ESRP2: variants seen among roughly 807,000 people sequenced by gnomAD.
The protein encoded by ESRP2 is RNA binding motif protein 35A.
ESRP2 carries 48 observed loss-of-function variants against 78.6 expected under a neutral mutation model. The ratio of observed to expected loss-of-function variants is 0.61; its 90% confidence interval spans 0.48 to 0.78. The LOEUF (loss-of-function observed/expected upper bound fraction) is 0.78. ESRP2 is among the 30% of genes least tolerant of loss of function. The probability of loss-of-function intolerance (pLI) is 0.00; values close to 1 mark genes in which losing one functional copy is unlikely to be tolerated. For missense variants in ESRP2, 863 were observed against 965.9 expected, an observed-to-expected ratio of 0.89 and a Z score of 1.41; for synonymous variants, 383 against 406.7, an observed-to-expected ratio of 0.94 and a Z score of 0.70.
rs1321561816 is a variant in ESRP2, at chr16:68,232,519, T to G, written c.822-16A>C. 1 of 1,613,972 alleles carries G rather than the reference T, an allele frequency of 6.2e-7. No individual in the cohort carries two copies. The highest frequency in any genetic ancestry group is 8.5e-7 in the Non-Finnish European group (1 of 1,179,976). On this transcript the variant is annotated splice_polypyrimidine_tract_variant and intron_variant, in intron 7 of 14. Transcript: ENST00000473183. The surrounding 1 kb of genome is among the most constrained non-coding windows in gnomAD (Gnocchi z 5.2). ...TACACCACCCCTGTGGAGCCAGTGC[T>G]GTTAGTGCCTCCTGGGTAGGCCTGT...
In ESRP2 at chr16:68,232,043, C is replaced by T. The variant is rs201908706; in HGVS notation, c.1058G>A (p.Arg353Gln). 4.0e-4 allele frequency: 651 copies of T among 1,614,016 alleles called. No individual in the cohort carries two copies. Among genetic ancestry groups the T allele is most frequent in the Non-Finnish European group, 5.2e-4 (610 of 1,179,972 alleles). ...SREDQVILRL[R>Q]GLPFSAGPTD... ...TGGCCCAGCCGAGAAGGGCAGTCCC[C>T]GCAGCCGCAGGATCACTTGGTCTTC... The change falls in exon 10 of 15, where the codon CGG becomes CAG. Residue 353 changes from arginine to glutamine, a missense_variant. Physicochemically the swap from Arg to Gln is conservative, Grantham distance 43. Transcript: ENST00000473183. This position sits in a 1 kb window ranked among gnomAD's most constrained non-coding sequence, Gnocchi z 5.2.
chr16:68,233,447 T>C (rs759468437), intron 4 of ESRP2, 22 bp from the exon 5 acceptor site: 1 of 1,557,422 alleles, frequency 6.4e-7, no homozygotes, highest in South Asian at 1.1e-5. Flanking sequence ...GAAGTGACAG[T>C]GAAGACATCT....
chr16:68,234,357 T>G (rs914759751), intron 2 of ESRP2: 4 of 498,790 alleles, frequency 8.0e-6, no homozygotes, highest in Non-Finnish European at 1.4e-5. Flanking sequence ...ACCGAAGCCC[T>G]CAACACACAC....
chr16:68,230,789 C>A, intron 13 of ESRP2, 52 bp downstream of exon 13: 1 of 1,606,672 alleles, frequency 6.2e-7, no homozygotes, highest in South Asian at 1.1e-5. Flanking sequence ...GTGACCTTTC[C>A]CCAGATTGGG....
intron 4 of ESRP2, 154 bp downstream of exon 4, chr16:68,233,614 A>G (rs1161894331): frequency 1.4e-6 from 1 of 732,172 alleles, no homozygotes; most frequent in African/African-American, 1.7e-5. Context: ...TTCCAAACTC[A>G]TCCTAGCACA....
At chr16:68,233,213 AAG>A (rs941599473) in intron 5 of ESRP2, 112 bp downstream of exon 5, 86 of 741,758 alleles carry the variant, frequency 1.2e-4, no homozygotes, top group Admixed American at 3.1e-4. Context: ...AAAAAAAAAA[AAG>A]AAATGACAAA....
In ESRP2 at chr16:68,232,952, A is replaced by G; in HGVS notation, c.656-137T>C. The G allele has an allele frequency of 7.9e-7, 1 of 1,260,860 alleles. No homozygotes were observed. Among genetic ancestry groups the G allele is most frequent in the South Asian group, 1.3e-5 (1 of 76,706 alleles). The allele number at this position is 1,260,860 out of a possible 1,614,324, so 78.1% of individuals were successfully genotyped here. On this transcript the variant is annotated intron_variant, in intron 5 of 14. Coordinates refer to ENST00000473183, the MANE Select transcript of ESRP2 (RefSeq NM_024939.3). The surrounding 1 kb of genome is among the most constrained non-coding windows in gnomAD (Gnocchi z 5.2). ...AGTGGCTCACGCCTATAATCCCAGC[A>G]CTTTGGGAGGCCAAGGTGGGTGGAT... is the stretch of plus-strand genomic sequence containing the variant.
chr16:68,233,342 G>A lies in ESRP2; in HGVS notation c.640C>T (p.Leu214Phe), dbSNP rs2042173211. The A allele has an allele frequency of 6.2e-7, 1 of 1,613,748 alleles. No individual in the cohort carries two copies. ...GAAACCTTACTGCTGGGCTCTTTGA[G>A]TAGATGGAGGATAACAGCTACCATT... The part of the protein sequence containing the change: ...KTMVAVILHL[L>F]KEPSSQLFSK... The change falls in exon 5 of 15, where the codon CTC becomes TTC. Residue 214 changes from leucine to phenylalanine, a missense_variant. Leu to Phe is a conservative substitution (Grantham distance 22). Transcript: ENST00000473183.
Position 68,230,178 on chromosome 16 carries a change from C to A in ESRP2, c.*48G>T. 1.9e-6 allele frequency: 3 copies of A among 1,561,310 alleles called. No individual in the cohort carries two copies. The highest frequency in any genetic ancestry group is 2.6e-6 in the Non-Finnish European group (3 of 1,132,264). ...GCTGGTCTTCTGGACTCAGGAGAGA[C>A]ATGTTCGCCGAGGATATCAGCTGGC... On this transcript the variant is annotated 3_prime_UTR_variant, in exon 15 of 15. Transcript: ENST00000473183.
In ESRP2 at chr16:68,230,837, G is replaced by A. The variant is rs777506617; in HGVS notation, c.1898+4C>T. 20 of 1,614,002 alleles carry A rather than the reference G, an allele frequency of 1.2e-5. No homozygotes were observed. The highest frequency in any genetic ancestry group is 1.6e-5 in the Non-Finnish European group (19 of 1,179,938). On this transcript the variant is annotated splice_donor_region_variant and intron_variant, in intron 13 of 14. Coordinates refer to ENST00000473183, the MANE Select transcript of ESRP2 (RefSeq NM_024939.3). The stretch of plus-strand genomic sequence containing the variant: ...ACTGTGATATTCTCTTAGCTGCAGG[G>A]TACCTTGGGTAGTAGGCTGTGTAGT...
intron 4 of ESRP2, 140 bp from the exon 5 acceptor site, chr16:68,233,565 C>A: frequency 1.3e-6 from 1 of 759,988 alleles, no homozygotes; most frequent in East Asian, 2.6e-5. Context: ...TGTGCACATA[C>A]AGATTCCCAG....
intron 2 of ESRP2, 42 bp from the exon 3 acceptor site, chr16:68,234,149 A>C: frequency 6.8e-7 from 1 of 1,477,738 alleles, no homozygotes; most frequent in African/African-American, 1.4e-5. Context: ...ACAGATTCAC[A>C]GCTGGGCAGG....
chr16:68,232,100 G>A lies in ESRP2; in HGVS notation c.1001C>T (p.Thr334Ile), dbSNP rs769802129. The A allele has an allele frequency of 3.1e-6, 5 of 1,612,486 alleles. No individual in the cohort carries two copies. The highest frequency in any genetic ancestry group is 4.2e-6 in the Non-Finnish European group (5 of 1,178,962). Residue 334 changes from threonine (T) to isoleucine (I), a missense_variant, in exon 10 of 15, where the codon ACA becomes ATA. Physicochemically the swap from Thr to Ile is moderately conservative, Grantham distance 89 (BLOSUM62 -1). Transcript: ENST00000473183. This position sits in a 1 kb window ranked among gnomAD's most constrained non-coding sequence, Gnocchi z 5.2. The stretch of plus-strand genomic sequence containing the variant: ...CAAGAAACGAGCCACCTCTAGTGAT[G>A]TGCCTGTGTATGAGAGTCGCCTGCT... ...GEEFVKIAGG[T>I]SLEVARFLSR... is the part of the protein sequence containing the mutation.
At chr16:68,233,559 C>T in intron 4 of ESRP2, 134 bp from the exon 5 acceptor site, 1 of 779,376 alleles carries the variant, frequency 1.3e-6, no homozygotes, top group Non-Finnish European at 2.2e-6. Flanking sequence ...TTCATGTGTG[C>T]ACATACAGAT....
chr16:68,230,960 A>G lies in ESRP2; in HGVS notation c.1779T>C (p.Ala593=). The part of the protein sequence containing the change: ...TPTLIPTETA[A]LYPSSALLPA... ...GGAGCAGTGCTGAAGAGGGGTATAGAGCTGCCGTCTCCGTGGGAATGAGCG... is the reference window on the plus strand; with the variant it reads ...GGAGCAGTGCTGAAGAGGGGTATAGGGCTGCCGTCTCCGTGGGAATGAGCG... The change falls in exon 13 of 15, where the codon GCT becomes GCC. Residue 593 remains alanine (A), a synonymous_variant. Transcript: ENST00000473183. The G allele has an allele frequency of 6.2e-7, 1 of 1,610,204 alleles. No homozygotes were observed. The highest frequency in any genetic ancestry group is 8.5e-7 in the Non-Finnish European group (1 of 1,178,250).
Position 68,230,453 on chromosome 16 carries a change from C to T in ESRP2, c.2000G>A (p.Arg667His), listed in dbSNP as rs150902510. The change falls in exon 14 of 15, where the codon CGC becomes CAC. Residue 667 changes from arginine to histidine, a missense_variant. Physicochemically the swap from Arg to His is conservative, Grantham distance 29. Transcript: ENST00000473183. ...SVLSQSGALVRMQGVPYTAGM... is the reference protein window; with the variant it reads ...SVLSQSGALVHMQGVPYTAGM... ...AGCCGTGTATGGGACACCCTGCATG[C>T]GGACCAAGGCTCCTGACTGGGACAA... is the stretch of plus-strand genomic sequence containing the variant. 9.0e-5 allele frequency: 145 copies of T among 1,612,548 alleles called. No individual in the cohort carries two copies. The highest frequency in any genetic ancestry group is 7.3e-5 in the Non-Finnish European group (86 of 1,179,190).
chr16:68,231,185 C>T lies in ESRP2; in HGVS notation c.1704G>A (p.Lys568=), dbSNP rs774032420. ...AGCCCCTAGGGCACTCACAGGGCAG[C>T]TTGCAGGGTGGAGGGGACATGCCAC... is the stretch of plus-strand genomic sequence containing the variant. ...GRSGMSPPPC[K]LPCLSPPTYT... Residue 568 remains lysine (K), a synonymous_variant, in exon 12 of 15, where the codon AAG becomes AAA. Coordinates refer to ENST00000473183, the MANE Select transcript of ESRP2 (RefSeq NM_024939.3). This position sits in a 1 kb window ranked among gnomAD's most constrained non-coding sequence, Gnocchi z 6.0. The T allele has an allele frequency of 6.2e-7, 1 of 1,613,118 alleles. No individual in the cohort carries two copies. Among genetic ancestry groups the T allele is most frequent in the Admixed American group, 1.7e-5 (1 of 60,024 alleles).
Position 68,229,116 on chromosome 16 carries a change from A to G in ESRP2, c.*1110T>C, listed in dbSNP as rs1771265637. 6.6e-6 allele frequency: 1 copy of G among 152,222 alleles called. No individual in the cohort carries two copies. The highest frequency in any genetic ancestry group is 2.1e-4 in the South Asian group (1 of 4,834). 9.4% of individuals were successfully genotyped at this position (152,222 alleles called of 1,614,324 possible). On this transcript the variant is annotated 3_prime_UTR_variant, in exon 15 of 15. Transcript: ENST00000473183. ...CTCAGTTATGTTTACAGCACTTGGA[A>G]TTGTGTGTTCTTGTACATTTTGTAT...
Position 68,229,385 on chromosome 16 carries a change from G to T in ESRP2, c.*841C>A, listed in dbSNP as rs1473479254. The T allele has an allele frequency of 6.6e-6, 1 of 152,652 alleles. No homozygotes were observed. Among genetic ancestry groups the T allele is most frequent in the Non-Finnish European group, 1.5e-5 (1 of 68,042 alleles). 9.5% of individuals were successfully genotyped at this position (152,652 alleles called of 1,614,324 possible). A position where few individuals can be genotyped will look rare whatever the true frequency, so the allele number is the denominator to read the frequency against. On this transcript the variant is annotated 3_prime_UTR_variant, in exon 15 of 15. Coordinates refer to ENST00000473183, the MANE Select transcript of ESRP2 (RefSeq NM_024939.3). ...TCAATAACTTTTCATTTAAGGAAGA[G>T]AAGATCGAGTTCCAAATTGCTTCCG...
Sources: allele counts gnomAD v4.1 joint callset, GRCh38; gene constraint gnomAD v4.1.1; non-coding constraint Gnocchi (gnomAD v3.1); transcripts MANE v1.5; gene names NCBI Gene and HGNC (gene_info 2026-07-23, HGNC 2026-07-21).